Variants in EYS observed in about 807,000 individuals in gnomAD.
EYS encodes the protein EGF-like photoreceptor maintenance factor.
EYS carries 250 observed loss-of-function variants against 282.1 expected under a neutral mutation model. The ratio of observed to expected loss-of-function variants is 0.89; its 90% CI spans 0.80 to 0.98. The LOEUF is 0.98. Ranked by LOEUF, EYS falls within the 50% of genes least tolerant of loss-of-function variation. EYS has a pLI of 0.00. For synonymous variants in EYS, 1,355 were observed against 1,282.9 expected (o/e 1.06, Z -1.20); for missense variants, 4,016 against 3,709.0 (o/e 1.08, Z -2.15).
chr6:64,872,793 C>T (rs147346235), intron 19 of EYS, among the ~76,000 whole-genome samples: 218 of 152,068 alleles, frequency 1.4e-3, no homozygotes, highest in African/African-American at 5.1e-3. Context: ...CTAACATGTT[C>T]TTTGCAATTC....
intron 15 of EYS, among the ~76,000 whole-genome samples, chr6:64,913,066 T>C (rs1768049882): frequency 6.6e-6 from 1 of 152,062 alleles, no homozygotes; most frequent in African/African-American, 2.4e-5. Flanking sequence ...ATGAATTATT[T>C]AATATAAGTT....
intron 31 of EYS, among the ~76,000 whole-genome samples, chr6:64,209,671 T>G: frequency 6.6e-6 from 1 of 152,174 alleles, no homozygotes; most frequent in East Asian, 1.9e-4. Flanking sequence ...TTTGTCCTTA[T>G]TAGTCCCCTC....
At chr6:65,363,769 ATG>A (rs1182525811) in intron 8 of EYS, among the ~76,000 whole-genome samples, 1 of 151,806 alleles carries the variant, frequency 6.6e-6, no homozygotes, top group Admixed American at 6.6e-5. Context: ...GATTAAATAT[ATG>A]TGTCACATAT....
rs9354212 is a variant in EYS at position 65,080,585 on chromosome 6, G to T, written c.2024-22858C>A. 2.0e-3 allele frequency among the ~76,000 whole-genome samples: 302 copies of T among 152,074 alleles called. 5 individuals are homozygous for T. In the East Asian group the frequency reaches 0.048, roughly 24 times the overall value. On this transcript the variant is annotated intron_variant, in intron 12 of 42. Transcript: ENST00000503581. ...CTCAATATACTGTGGCTCACTATGG[G>T]CAGCTCAAACACTATATTGCCTCTG...
chr6:64,295,113 G>A (rs1181895312), intron 30 of EYS, among the ~76,000 whole-genome samples: 4 of 151,434 alleles, frequency 2.6e-5, no homozygotes, highest in Non-Finnish European at 5.9e-5. Context: ...GGTGGCTCAC[G>A]CCTGTAACCC....
At chr6:64,184,767 T>G (rs1167486812) in intron 31 of EYS, among the ~76,000 whole-genome samples, 2 of 152,202 alleles carry the variant, frequency 1.3e-5, no homozygotes, top group African/African-American at 2.4e-5. Context: ...TGAATTGATT[T>G]CATAAATCTG....
chr6:65,292,856 A>G (rs1237279732), intron 12 of EYS, among the ~76,000 whole-genome samples: 1 of 151,794 alleles, frequency 6.6e-6, no homozygotes, highest in Non-Finnish European at 1.5e-5. Flanking sequence ...AGACCTAAAA[A>G]TAGAATAAAG....
intron 29 of EYS, 120 bp downstream of exon 29, chr6:64,388,570 C>A (rs1007806306): frequency 2.3e-6 from 2 of 868,384 alleles, no homozygotes; most frequent in South Asian, 2.3e-5. Flanking sequence ...TTTTTGAAAC[C>A]ATGCAGATGG....
intron 2 of EYS, among the ~76,000 whole-genome samples, chr6:65,612,157 C>A (rs142495841): frequency 6.6e-6 from 1 of 150,924 alleles, no homozygotes; most frequent in Non-Finnish European, 1.5e-5. Flanking sequence ...ATTAATATAA[C>A]GGTGCTTGGA....
chr6:64,428,778 C>T (rs966641075), intron 28 of EYS, among the ~76,000 whole-genome samples: 3 of 152,076 alleles, frequency 2.0e-5, no homozygotes, highest in Non-Finnish European at 4.4e-5. Flanking sequence ...TTAAAAAGTG[C>T]TTTCAAAATA....
chr6:64,512,038 T>C (rs1319172157), intron 26 of EYS, among the ~76,000 whole-genome samples: 1 of 152,080 alleles, frequency 6.6e-6, no homozygotes, highest in East Asian at 1.9e-4. Context: ...TTCAGCTTTT[T>C]CCCTCAATAT....
chr6:65,039,851 T>C (rs1772879546), intron 13 of EYS, among the ~76,000 whole-genome samples: 1 of 151,460 alleles, frequency 6.6e-6, no homozygotes, highest in Non-Finnish European at 1.5e-5. Context: ...GATAGCAAAA[T>C]GTAGTAAAAA....
In EYS at chr6:64,544,627, G is replaced by A. The variant is rs546392766; in HGVS notation, c.5644+45596C>T. ...AACAAAATTGATAGACCACTAGGAA[G>A]ACTAATAAAGAAGAAAAGAGAGAAG... On this transcript the variant is annotated intron_variant, in intron 26 of 42. Coordinates refer to ENST00000503581, the MANE Select transcript of EYS (RefSeq NM_001142800.2). Among the ~76,000 whole-genome samples the A allele has an allele frequency of 2.6e-5, 4 of 152,158 alleles. No individual in the cohort carries two copies. In the South Asian group the frequency reaches 8.3e-4, roughly 32 times the overall value.
At chr6:64,765,814 C>G (rs1225979944) in intron 22 of EYS, among the ~76,000 whole-genome samples, 1 of 152,068 alleles carries the variant, frequency 6.6e-6, no homozygotes, top group Non-Finnish European at 1.5e-5. Flanking sequence ...GATCCAATCA[C>G]CTCCCACCTG....
chr6:65,348,056 C>T lies in EYS; in HGVS notation c.1460-3879G>A, dbSNP rs796238172. On this transcript the variant is annotated intron_variant, in intron 9 of 42. Coordinates refer to ENST00000503581, the MANE Select transcript of EYS (RefSeq NM_001142800.2). ...GTTCCATCCATGTTGTTGCAAATGACAGGATCTCATTTTTTTATATAGCTG... is the reference window on the plus strand; with the variant it reads ...GTTCCATCCATGTTGTTGCAAATGATAGGATCTCATTTTTTTATATAGCTG... 2.7e-5 allele frequency among the ~76,000 whole-genome samples: 4 copies of T among 150,544 alleles called. No individual in the cohort carries two copies. The South Asian group carries it at 8.3e-4, about 31-fold the overall frequency.
intron 22 of EYS, among the ~76,000 whole-genome samples, chr6:64,644,398 G>A (rs539799664): frequency 9.2e-5 from 14 of 152,144 alleles, no homozygotes; most frequent in Non-Finnish European, 1.6e-4. Context: ...ATGGAGTGAA[G>A]AGGGTAAGAA....
At chr6:64,255,814 C>G (rs1188939342) in intron 30 of EYS, among the ~76,000 whole-genome samples, 1 of 151,966 alleles carries the variant, frequency 6.6e-6, no homozygotes. Context: ...ACAGAGATAG[C>G]ATGTAGGCCA....
At position 63,917,898 on chromosome 6, in the gene EYS, A is replaced by G. The variant is rs1764467104; in HGVS notation, c.7056-53540T>C. Among the ~76,000 whole-genome samples, 3 of 152,200 alleles carry G rather than the reference A, an allele frequency of 2.0e-5. No individual in the cohort carries two copies. In the South Asian group the frequency reaches 6.2e-4, roughly 31 times the overall value. ...TATTGCCGGCTCCAAAGCCCTTAAC[A>G]AAGTACACACCATGCATTAGTTTGG... On this transcript the variant is annotated intron_variant, in intron 35 of 42. Transcript: ENST00000503581.
At chr6:64,188,443 T>G (rs1217889793) in intron 31 of EYS, among the ~76,000 whole-genome samples, 1 of 152,162 alleles carries the variant, frequency 6.6e-6, no homozygotes, top group Non-Finnish European at 1.5e-5. Context: ...TTTTAACATA[T>G]GTATGTCTCA....
Sources: gnomAD v4.1 joint callset for allele counts (sites outside exome capture counted in the v4.1 genomes callset) on GRCh38, gnomAD v4.1.1 for gene constraint, MANE v1.5 for transcripts, NCBI Gene and HGNC (gene_info 2026-07-23, HGNC 2026-07-21) for gene names.